The following COL5A2 variants were observed in gnomAD, a reference collection of about 807,000 sequenced individuals.
COL5A2 encodes the protein collagen type V alpha 2 chain.
Under a neutral mutation model 208.2 loss-of-function variants are expected in COL5A2, and 23 were observed. The ratio of observed to expected loss-of-function variants is 0.11; its 90% CI spans 0.08 to 0.16. The LOEUF (loss-of-function observed/expected upper bound fraction) is 0.16, where lower values mean the gene tolerates loss of function less well. Among genes scored for constraint, COL5A2 ranks in the 10% least tolerant of loss-of-function variants. COL5A2 has a pLI of 1.00. For missense variants in COL5A2, 1,590 were observed against 1,956.4 expected (o/e 0.81, Z 3.53); for synonymous variants, 625 against 628.5 (o/e 0.99, Z 0.08).
Position 189,052,782 on chromosome 2 carries a change from T to G in COL5A2, c.2682A>C (p.Gly894=). Residue 894 remains glycine, a synonymous_variant, in exon 40 of 54, where the codon GGA becomes GGC. Coordinates refer to ENST00000374866, the MANE Select transcript of COL5A2 (RefSeq NM_000393.5). Reference sequence around the variant, plus strand: ...CTTGGGTTCCTCGACCACCTTTTAGTCCAGGAACACCATTAGGACCCTGAA... The same window carrying G: ...CTTGGGTTCCTCGACCACCTTTTAGGCCAGGAACACCATTAGGACCCTGAA... The part of the protein sequence containing the change: ...PGPHGPNGVP[G]LKGGRGTQGP... 6.2e-7 allele frequency: 1 copy of G among 1,614,184 alleles called. No individual in the cohort carries two copies.
At chr2:189,137,999 G>A (rs1687857953) in intron 1 of COL5A2, among the ~76,000 whole-genome samples, 2 of 152,138 alleles carry the variant, frequency 1.3e-5, no homozygotes, top group African/African-American at 2.4e-5. Context: ...ATATAAAATG[G>A]AGTCTTGCTC....
At chr2:189,190,769 T>C (rs1236977797) in intron 1 of COL5A2, among the ~76,000 whole-genome samples, 3 of 152,240 alleles carry the variant, frequency 2.0e-5, no homozygotes, top group Non-Finnish European at 2.9e-5. Context: ...TTCATCCTAA[T>C]ATGCTCATCC....
intron 17 of COL5A2, among the ~76,000 whole-genome samples, chr2:189,073,521 A>G (rs1311509423): frequency 6.6e-6 from 1 of 151,856 alleles, no homozygotes; most frequent in Non-Finnish European, 1.5e-5. Context: ...TTACATTTAA[A>G]TTGGATTGGA....
At chr2:189,253,788 T>C in the COL5A2 span, among the ~76,000 whole-genome samples, 1 of 152,216 alleles carries the variant, frequency 6.6e-6, no homozygotes, top group South Asian at 2.1e-4. Context: ...GGACTTCATA[T>C]TATTCTTGAC....
At chr2:189,165,718 A>C (rs1688450512) in intron 1 of COL5A2, among the ~76,000 whole-genome samples, 1 of 152,166 alleles carries the variant, frequency 6.6e-6, no homozygotes, top group South Asian at 2.1e-4. Context: ...GAATCCAAAG[A>C]CCCTTCTTTT....
At chr2:189,243,053 A>C in the COL5A2 span, among the ~76,000 whole-genome samples, 1 of 152,218 alleles carries the variant, frequency 6.6e-6, no homozygotes, top group African/African-American at 2.4e-5. Flanking sequence ...CTCTGAATGG[A>C]CCAAGAAAAT....
chr2:189,310,879 G>A, the COL5A2 span, among the ~76,000 whole-genome samples: 1 of 151,934 alleles, frequency 6.6e-6, no homozygotes, highest in African/African-American at 2.4e-5. Context: ...AAATCAAAAC[G>A]ATTAAACTCA....
At chr2:189,090,773 C>G (rs1168430736) in intron 7 of COL5A2, among the ~76,000 whole-genome samples, 1 of 152,128 alleles carries the variant, frequency 6.6e-6, no homozygotes, top group Non-Finnish European at 1.5e-5. Flanking sequence ...CTGTTTACAG[C>G]CTTTACAGCA....
intron 44 of COL5A2, among the ~76,000 whole-genome samples, chr2:189,048,609 A>G (rs1685719575): frequency 6.6e-6 from 1 of 152,224 alleles, no homozygotes; most frequent in African/African-American, 2.4e-5. Flanking sequence ...TCTTAAGATT[A>G]TTCAAATATC....
At chr2:189,281,094 A>C in the COL5A2 span, among the ~76,000 whole-genome samples, 1 of 152,134 alleles carries the variant, frequency 6.6e-6, no homozygotes, top group Non-Finnish European at 1.5e-5. Context: ...ATTATTTACC[A>C]TAAATTTGAA....
the COL5A2 span, among the ~76,000 whole-genome samples, chr2:189,378,194 T>C: frequency 6.6e-6 from 1 of 152,224 alleles, no homozygotes; most frequent in Non-Finnish European, 1.5e-5. Flanking sequence ...AATGCATATC[T>C]ATTATATCTT....
At chr2:189,039,993 T>C (rs11899761) in intron 50 of COL5A2, among the ~76,000 whole-genome samples, 1,786 of 152,236 alleles carry the variant, frequency 0.012, 37 homozygotes, top group African/African-American at 0.04. Context: ...GCTGGTTCTA[T>C]AAGATTACAT....
At chr2:189,213,079 G>A (rs952776621) in intron 1 of COL5A2, among the ~76,000 whole-genome samples, 24 of 151,580 alleles carry the variant, frequency 1.6e-4, no homozygotes, top group African/African-American at 5.8e-4. Context: ...TAGTAGAGAC[G>A]GGGTTTCACC....
At chr2:189,421,015 C>T in the COL5A2 span, among the ~76,000 whole-genome samples, 1 of 152,074 alleles carries the variant, frequency 6.6e-6, no homozygotes, top group South Asian at 2.1e-4. Flanking sequence ...CTAAAGGAAA[C>T]AGTAGAATAA....
At chr2:189,117,918 T>G (rs546858314) in intron 1 of COL5A2, among the ~76,000 whole-genome samples, 2 of 152,248 alleles carry the variant, frequency 1.3e-5, no homozygotes, top group Admixed American at 1.3e-4. Flanking sequence ...TAGTAAATGC[T>G]CAAGAAGTAT....
chr2:189,284,854 C>T, the COL5A2 span, among the ~76,000 whole-genome samples: 26 of 152,250 alleles, frequency 1.7e-4, 1 homozygote, highest in South Asian at 5.4e-3. Flanking sequence ...CACTGTTGTT[C>T]ATGCAGTCCA....
chr2:189,158,607 AGT>A (rs1404735354), intron 1 of COL5A2, among the ~76,000 whole-genome samples: 1 of 152,108 alleles, frequency 6.6e-6, no homozygotes. Flanking sequence ...TCTCAAAATT[AGT>A]TAGAAAACAC....
At chr2:189,184,273 A>G (rs1424250916), upstream of COL5A2, among the ~76,000 whole-genome samples, 1 of 149,590 alleles carries the variant, frequency 6.7e-6, no homozygotes, top group East Asian at 1.9e-4. Context: ...CTAAAATTTG[A>G]AAAAAAAAAA....
At chr2:189,287,095 A>G in the COL5A2 span, among the ~76,000 whole-genome samples, 3 of 152,070 alleles carry the variant, frequency 2.0e-5, no homozygotes, top group Non-Finnish European at 2.9e-5. Context: ...AAGCCATGGA[A>G]TGCAGTAGTT....
Sources: gnomAD v4.1 joint callset for allele counts (sites outside exome capture counted in the v4.1 genomes callset) on GRCh38, gnomAD v4.1.1 for gene constraint, MANE v1.5 for transcripts, NCBI Gene and HGNC (gene_info 2026-07-23, HGNC 2026-07-21) for gene names.